Variants in IRAG1 observed in about 807,000 individuals in gnomAD.
IRAG1 encodes inositol 1,4,5-triphosphate receptor associated 1, also known as IP3R-associated cGMP kinase substrate.
A neutral mutation model predicts 106.2 loss-of-function variants in IRAG1; 62 were observed. The ratio of observed to expected loss-of-function variants is 0.58; its 90% CI spans 0.48 to 0.72. IRAG1 has a LOEUF of 0.72. Ranked by LOEUF, IRAG1 falls within the 30% of genes least tolerant of loss-of-function variation. IRAG1 has a pLI of 0.00. For missense variants in IRAG1, 1,064 were observed against 1,140.7 expected, an observed-to-expected ratio of 0.93 and a Z score of 0.97; for synonymous variants, 462 against 443.9, an observed-to-expected ratio of 1.04 and a Z score of -0.51.
chr11:10,680,544 AGG>A (rs796223761), intron 1 of IRAG1, among the ~76,000 whole-genome samples: 114 of 128,944 alleles, frequency 8.8e-4, no homozygotes, highest in African/African-American at 2.8e-3. Context: ...AGGAAGGGGA[AGG>A]GGAAGGGGAA....
intron 1 of IRAG1, among the ~76,000 whole-genome samples, chr11:10,691,782 G>GGTGCACT (rs1564948923): frequency 5.9e-5 from 9 of 152,078 alleles, no homozygotes; most frequent in African/African-American, 2.2e-4. Context: ...TGATTCCCCC[G>GGTGCACT]CTGCACTCTG....
intron 2 of IRAG1, among the ~76,000 whole-genome samples, chr11:10,644,224 G>A (rs958749727): frequency 2.0e-5 from 3 of 152,178 alleles, no homozygotes; most frequent in African/African-American, 7.2e-5. Flanking sequence ...GCACAGCTAG[G>A]TGATCTTTGA....
At chr11:10,645,250 A>C (rs1857852652) in intron 2 of IRAG1, among the ~76,000 whole-genome samples, 1 of 152,162 alleles carries the variant, frequency 6.6e-6, no homozygotes, top group Non-Finnish European at 1.5e-5. Flanking sequence ...CTGTGCTCAA[A>C]CTCTATTGCA....
intron 1 of IRAG1, among the ~76,000 whole-genome samples, chr11:10,682,164 G>C (rs776443302): frequency 4.6e-5 from 7 of 152,148 alleles, no homozygotes; most frequent in African/African-American, 1.2e-4. Flanking sequence ...TGTATGTAAA[G>C]AACTTAACAT....
chr11:10,622,810 T>A (rs1480482995), intron 10 of IRAG1, among the ~76,000 whole-genome samples: 1 of 150,920 alleles, frequency 6.6e-6, no homozygotes, highest in Non-Finnish European at 1.5e-5. Flanking sequence ...CTCATACAAT[T>A]TCATTCGTTC....
At chr11:10,585,733 T>C (rs1411919372) in intron 18 of IRAG1, among the ~76,000 whole-genome samples, 1 of 152,094 alleles carries the variant, frequency 6.6e-6, no homozygotes, top group Non-Finnish European at 1.5e-5. Flanking sequence ...CCCATTCTTC[T>C]GACTGCACTA....
intron 19 of IRAG1, 72 bp downstream of exon 19, chr11:10,581,795 C>G (rs1242954683): frequency 9.6e-6 from 15 of 1,560,282 alleles, no homozygotes; most frequent in Non-Finnish European, 1.3e-5. Context: ...CTCTAAGAAA[C>G]AAGAAAGACC....
At chr11:10,586,476 G>A (rs1023473650) in intron 18 of IRAG1, among the ~76,000 whole-genome samples, 1 of 150,332 alleles carries the variant, frequency 6.7e-6, no homozygotes, top group Non-Finnish European at 1.5e-5. Context: ...GGAGTGCAGT[G>A]GCATGATCTG....
At chr11:10,653,098 C>T (rs11826376) in intron 1 of IRAG1, among the ~76,000 whole-genome samples, 2,991 of 152,190 alleles carry the variant, frequency 0.02, 116 homozygotes, top group African/African-American at 0.068. Context: ...CAGCCTACAT[C>T]GATGAGCTTA....
intron 2 of IRAG1, among the ~76,000 whole-genome samples, chr11:10,639,779 C>G (rs1226306710): frequency 6.6e-6 from 1 of 152,120 alleles, no homozygotes; most frequent in African/African-American, 2.4e-5. Context: ...ATGATTGACT[C>G]ACAAACATTT....
Position 10,576,500 on chromosome 11 carries a change from C to A in IRAG1, c.2571G>T (p.Met857Ile). ...TCAAGACCAGCATCACTGCAGCCATCATCCAGATCACTTGCCAGTGCTGAC... is the reference window on the plus strand; with the variant it reads ...TCAAGACCAGCATCACTGCAGCCATAATCCAGATCACTTGCCAGTGCTGAC... The part of the protein sequence containing the change: ...KLCQHWQVIW[M>I]MAAVMLVLTV... The change falls in exon 21 of 21, where the codon ATG (methionine) becomes ATT (isoleucine). Residue 857 changes from methionine to isoleucine, a missense_variant. Met to Ile is a conservative substitution (Grantham distance 10). Transcript: ENST00000423302. The A allele has an allele frequency of 6.2e-7, 1 of 1,614,040 alleles. No individual in the cohort carries two copies. Among genetic ancestry groups the A allele is most frequent in the South Asian group, 1.1e-5 (1 of 91,086 alleles).
In IRAG1 at chr11:10,647,446, G is replaced by A. The variant is rs903802151; in HGVS notation, c.225+4579C>T. Among the ~76,000 whole-genome samples the A allele has an allele frequency of 6.6e-5, 10 of 152,214 alleles. No homozygotes were observed. The highest frequency in any genetic ancestry group is 1.2e-4 in the Non-Finnish European group (8 of 68,030). ...ATTATTAAGTGGCTTTGTGTGCAGC[G>A]GAGGTAGGGGAACAGGGGAGGTGGT... On this transcript the variant is annotated intron_variant, in intron 2 of 20. Transcript: ENST00000423302. The surrounding 1 kb of genome is among the most constrained non-coding windows in gnomAD (Gnocchi z 4.3).
chr11:10,675,335 G>A (rs541848311), intron 1 of IRAG1, among the ~76,000 whole-genome samples: 18 of 152,238 alleles, frequency 1.2e-4, no homozygotes, highest in South Asian at 8.3e-4. Flanking sequence ...GCTCCTGCCC[G>A]GTTCCCCTCT....
At chr11:10,685,859 A>T (rs1439055130) in intron 1 of IRAG1, among the ~76,000 whole-genome samples, 1 of 152,170 alleles carries the variant, frequency 6.6e-6, no homozygotes, top group Non-Finnish European at 1.5e-5. Flanking sequence ...GGACTCTAGA[A>T]CATCCCCAAG....
chr11:10,660,154 A>C (rs532253953), intron 1 of IRAG1, among the ~76,000 whole-genome samples: 1 of 152,340 alleles, frequency 6.6e-6, no homozygotes, highest in Non-Finnish European at 1.5e-5. Context: ...TTAGTGGTGC[A>C]CAGGAGCCTG....
intron 10 of IRAG1, chr11:10,611,593 C>G (rs1033035098): frequency 3.9e-5 from 6 of 151,960 alleles, no homozygotes; most frequent in Non-Finnish European, 7.4e-5. Context: ...AATTTCAGAA[C>G]AAATAAAAAA....
At chr11:10,673,643 T>C (rs964744057) in intron 1 of IRAG1, among the ~76,000 whole-genome samples, 2 of 152,116 alleles carry the variant, frequency 1.3e-5, no homozygotes, top group African/African-American at 4.8e-5. Flanking sequence ...AGGTGAGTCA[T>C]ATGGCGTGTG....
intron 18 of IRAG1, among the ~76,000 whole-genome samples, chr11:10,583,544 A>C (rs1403229553): frequency 6.6e-6 from 1 of 152,172 alleles, no homozygotes; most frequent in Non-Finnish European, 1.5e-5. Flanking sequence ...CACAGGTTTA[A>C]AGTAAAGAAG....
At chr11:10,683,564 T>C (rs1304310341) in intron 1 of IRAG1, among the ~76,000 whole-genome samples, 1 of 152,190 alleles carries the variant, frequency 6.6e-6, no homozygotes, top group Non-Finnish European at 1.5e-5. Context: ...GCCCCCTGGT[T>C]CTCTGCTGTG....
Sources: allele counts gnomAD v4.1 joint callset (sites outside exome capture counted in the v4.1 genomes callset), GRCh38; gene constraint gnomAD v4.1.1; non-coding constraint Gnocchi (gnomAD v3.1); transcripts MANE v1.5; gene names NCBI Gene and HGNC (gene_info 2026-07-23, HGNC 2026-07-21).